The following FHOD3 variants were observed in gnomAD, a reference collection of about 807,000 sequenced individuals.
FHOD3 encodes FH1/FH2 domain-containing protein 3.
Under a neutral mutation model 173.0 loss-of-function variants are expected in FHOD3, and 90 were observed. The observed-to-expected ratio is 0.52, with a 90% CI of 0.44 to 0.62. The LOEUF is 0.62. Among genes scored for constraint, FHOD3 ranks in the 20% least tolerant of loss-of-function variants. FHOD3 has a pLI of 0.00. For missense variants in FHOD3, 1,945 were observed against 2,034.7 expected, an observed-to-expected ratio of 0.96 and a Z score of 0.85; for synonymous variants, 828 against 823.0, an observed-to-expected ratio of 1.01 and a Z score of -0.10.
chr18:36,487,606 C>G (rs1431156767), intron 3 of FHOD3, among the ~76,000 whole-genome samples: 1 of 152,190 alleles, frequency 6.6e-6, no homozygotes, highest in Non-Finnish European at 1.5e-5. Flanking sequence ...AGCTGAGGTT[C>G]TAACCCCAGG....
At chr18:36,762,525 G>A (rs1018201629) in intron 27 of FHOD3, among the ~76,000 whole-genome samples, 13 of 152,140 alleles carry the variant, frequency 8.5e-5, no homozygotes, top group African/African-American at 2.7e-4. Context: ...AGCCGGGCAC[G>A]GTGGCTCACG....
chr18:36,742,931 T>C, intron 22 of FHOD3, 75 bp downstream of exon 22: 1 of 1,542,950 alleles, frequency 6.5e-7, no homozygotes, highest in African/African-American at 1.4e-5. Flanking sequence ...CTGATGAAGG[T>C]TGTACCTCAG....
intron 10 of FHOD3, among the ~76,000 whole-genome samples, chr18:36,646,663 A>G (rs1013004225): frequency 3.3e-5 from 5 of 152,242 alleles, no homozygotes; most frequent in South Asian, 4.1e-4. Context: ...TCTGACCCCT[A>G]TCTTACATGA....
chr18:36,319,018 A>G (rs1298569373), intron 1 of FHOD3, among the ~76,000 whole-genome samples: 1 of 152,126 alleles, frequency 6.6e-6, no homozygotes, highest in Non-Finnish European at 1.5e-5. Flanking sequence ...TATGTGATGG[A>G]TTACATTTAT....
chr18:36,342,724 A>G (rs1451448257), intron 1 of FHOD3, among the ~76,000 whole-genome samples: 1 of 152,254 alleles, frequency 6.6e-6, no homozygotes, highest in Non-Finnish European at 1.5e-5. Flanking sequence ...GCATCATCAG[A>G]AAGTCAAAAA....
At chr18:36,651,424 T>C (rs1268289862) in intron 11 of FHOD3, among the ~76,000 whole-genome samples, 1 of 152,162 alleles carries the variant, frequency 6.6e-6, no homozygotes, top group Non-Finnish European at 1.5e-5. Context: ...GAAAGCTCTT[T>C]TTATAGTTTT....
chr18:36,337,155 G>A (rs2045360027), intron 1 of FHOD3, among the ~76,000 whole-genome samples: 1 of 145,838 alleles, frequency 6.9e-6, no homozygotes, highest in African/African-American at 2.5e-5. Context: ...CTGGGTGAAA[G>A]AGTGAGACTC....
intron 3 of FHOD3, among the ~76,000 whole-genome samples, chr18:36,391,040 T>C (rs1051168323): frequency 3.3e-5 from 5 of 152,236 alleles, no homozygotes; most frequent in Admixed American, 6.5e-5. Flanking sequence ...TAATTAGGAT[T>C]GAAGGGGCAG....
chr18:36,597,693 T>G (rs1324924616), intron 7 of FHOD3, among the ~76,000 whole-genome samples: 2 of 152,170 alleles, frequency 1.3e-5, no homozygotes, highest in African/African-American at 2.4e-5. Context: ...CCCAGAGTGC[T>G]GGGATTACAG....
intron 10 of FHOD3, among the ~76,000 whole-genome samples, chr18:36,637,989 AAT>A (rs1289550509): frequency 2.6e-5 from 4 of 152,094 alleles, no homozygotes; most frequent in African/African-American, 9.7e-5. Flanking sequence ...ATTGTAGAAT[AAT>A]ATGTTTTTTT....
At chr18:36,652,975 G>A (rs748728364) in intron 12 of FHOD3, 46 bp downstream of exon 12, 7 of 1,496,068 alleles carry the variant, frequency 4.7e-6, no homozygotes, top group Non-Finnish European at 6.2e-6. Flanking sequence ...ACTCGGGGAG[G>A]AGAACACAGT....
chr18:36,343,154 A>G lies in FHOD3; in HGVS notation c.166-12385A>G, dbSNP rs540280706. 5.9e-5 allele frequency among the ~76,000 whole-genome samples: 9 copies of G among 152,360 alleles called. No homozygotes were observed. The South Asian group carries it at 1.7e-3, about 28-fold the overall frequency. On this transcript the variant is annotated intron_variant, in intron 1 of 28. Coordinates refer to ENST00000590592, the MANE Select transcript of FHOD3 (RefSeq NM_001281740.3). Reference sequence around the variant, plus strand: ...TGACCCAGCAATTCTACTCCTAGGTATATACCCAAGAGAGGTGAAAGCATA... The same window carrying G: ...TGACCCAGCAATTCTACTCCTAGGTGTATACCCAAGAGAGGTGAAAGCATA...
chr18:36,696,942 A>G (rs1296451144), intron 17 of FHOD3, among the ~76,000 whole-genome samples: 3 of 152,246 alleles, frequency 2.0e-5, no homozygotes, highest in Non-Finnish European at 2.9e-5. Context: ...GGTAGACATC[A>G]GAATATCTAC....
At chr18:36,707,107 G>A (rs578112743) in intron 17 of FHOD3, among the ~76,000 whole-genome samples, 7 of 152,244 alleles carry the variant, frequency 4.6e-5, no homozygotes, top group Non-Finnish European at 8.8e-5. Context: ...AAGGAAGAGT[G>A]TATGATGCTC....
intron 2 of FHOD3, among the ~76,000 whole-genome samples, chr18:36,363,715 A>G (rs930636142): frequency 6.6e-6 from 1 of 152,144 alleles, no homozygotes; most frequent in African/African-American, 2.4e-5. Flanking sequence ...TCTGTATTTT[A>G]TTGTAATGTT....
At position 36,718,371 on chromosome 18, in the gene FHOD3, C is replaced by T; in HGVS notation, c.3073C>T (p.Pro1025Ser). Reference sequence around the variant, plus strand: ...GGAGGCCCCTGGGCCACCTCCCCCACCCCCACCCACCTTTCTGGGTTTGCC... The same window carrying T: ...GGAGGCCCCTGGGCCACCTCCCCCATCCCCACCCACCTTTCTGGGTTTGCC... ...HREAPGPPPPPPPTFLGLPPP... is the reference protein window; with the variant it reads ...HREAPGPPPPSPPTFLGLPPP... Residue 1025 changes from proline to serine, a missense_variant, in exon 19 of 29, where the codon CCC becomes TCC. This residue lies in a region of FHOD3 where 1,099 missense variants were observed against 1,051.2 expected (regional missense o/e 1.05). Transcript: ENST00000590592. 6.3e-7 allele frequency: 1 copy of T among 1,580,456 alleles called. No individual in the cohort carries two copies. The highest frequency in any genetic ancestry group is 8.6e-7 in the Non-Finnish European group (1 of 1,162,732).
intron 27 of FHOD3, among the ~76,000 whole-genome samples, chr18:36,763,814 A>G (rs2043026182): frequency 3.9e-5 from 6 of 152,094 alleles, no homozygotes; most frequent in South Asian, 2.1e-4. Context: ...TGGAAAAATC[A>G]TATCTTTTAC....
chr18:36,534,659 A>T (rs1211120318), intron 5 of FHOD3, among the ~76,000 whole-genome samples: 1 of 152,160 alleles, frequency 6.6e-6, no homozygotes, highest in Non-Finnish European at 1.5e-5. Context: ...TAAGCCCAGC[A>T]TCTGCCTATG....
chr18:36,517,214 A>G (rs1599475537), intron 5 of FHOD3, among the ~76,000 whole-genome samples: 1 of 152,122 alleles, frequency 6.6e-6, no homozygotes, highest in East Asian at 1.9e-4. Flanking sequence ...GATAGCCAGT[A>G]TTTAATTTAA....
Sources: gnomAD v4.1 joint callset for allele counts (sites outside exome capture counted in the v4.1 genomes callset) on GRCh38, gnomAD v4.1.1 for gene constraint, gnomAD v4.1.1 regional missense constraint, MANE v1.5 for transcripts, NCBI Gene and HGNC (gene_info 2026-07-23, HGNC 2026-07-21) for gene names.